The following FAM83D variants were observed in gnomAD, a reference collection of about 807,000 sequenced individuals.
FAM83D encodes the protein scaffolding CK1 anchoring protein D, also known as protein FAM83D.
In FAM83D, 26 loss-of-function variants were observed where a neutral mutation model predicts 25.4. The observed-to-expected ratio is 1.02, with a 90% confidence interval of 0.75 to 1.42. The LOEUF is 1.42. Among genes scored for constraint, FAM83D ranks in the 40% most tolerant of loss-of-function variants. The pLI is 0.00. For missense variants in FAM83D, 740 were observed against 758.1 expected (o/e 0.98, Z 0.28); for synonymous variants, 310 against 318.5 (o/e 0.97, Z 0.28).
At chr20:38,929,787 C>G (rs1452010420) in intron 1 of FAM83D, among the ~76,000 whole-genome samples, 2 of 135,062 alleles carry the variant, frequency 1.5e-5, no homozygotes, top group East Asian at 4.4e-4. Context: ...GACCCTGTCT[C>G]TTTAAAAAAA....
chr20:38,928,114 T>A (rs963386214), intron 1 of FAM83D, among the ~76,000 whole-genome samples: 2 of 152,212 alleles, frequency 1.3e-5, no homozygotes, highest in Non-Finnish European at 2.9e-5. Flanking sequence ...CACCTTGGTC[T>A]GGAGCCATGG....
chr20:38,950,193 A>G (rs897902186), intron 3 of FAM83D, among the ~76,000 whole-genome samples: 3 of 152,212 alleles, frequency 2.0e-5, no homozygotes, highest in South Asian at 4.1e-4. Flanking sequence ...CAGAATTACT[A>G]TCAATCCCTT....
chr20:38,951,724 C>A lies in FAM83D; in HGVS notation c.962C>A (p.Ser321Tyr). 4 of 1,614,204 alleles carry A rather than the reference C, an allele frequency of 2.5e-6. No individual in the cohort carries two copies. Among genetic ancestry groups the A allele is most frequent in the Non-Finnish European group, 3.4e-6 (4 of 1,180,040 alleles). Residue 321 changes from serine (S) to tyrosine (Y), a missense_variant, in exon 4 of 4, where the codon TCC (serine) becomes TAC (tyrosine). Ser to Tyr is a moderately radical substitution (Grantham distance 144, BLOSUM62 -2). Coordinates refer to ENST00000619850, the MANE Select transcript of FAM83D (RefSeq NM_030919.3). The part of the protein sequence containing the change: ...FDHLTNRKPQ[S>Y]KELTLGNLLR... ...CACCTCACCAACCGAAAACCACAGT[C>A]CAAGGAGCTCACCCTGGGCAACCTG...
Position 38,951,927 on chromosome 20 carries a change from G to A in FAM83D, c.1165G>A (p.Ala389Thr). Residue 389 changes from alanine (A) to threonine (T), a missense_variant, in exon 4 of 4, where the codon GCT becomes ACT. Coordinates refer to ENST00000619850, the MANE Select transcript of FAM83D (RefSeq NM_030919.3). The part of the protein sequence containing the change: ...DELQSRKAID[A>T]ATQTEPGEEM... ...GCTCCAGAGCAGAAAGGCCATTGAC[G>A]CTGCCACTCAAACAGAGCCAGGAGA... 2 of 1,614,122 alleles carry A rather than the reference G, an allele frequency of 1.2e-6. No individual in the cohort carries two copies. The highest frequency in any genetic ancestry group is 1.7e-6 in the Non-Finnish European group (2 of 1,180,024).
At chr20:38,938,964 C>T (rs540336525) in intron 1 of FAM83D, among the ~76,000 whole-genome samples, 5 of 152,188 alleles carry the variant, frequency 3.3e-5, no homozygotes, top group Admixed American at 6.5e-5. Context: ...TTCTTCACTT[C>T]GAACTCATTA....
At chr20:38,950,032 G>A (rs1334298397) in intron 3 of FAM83D, among the ~76,000 whole-genome samples, 1 of 152,112 alleles carries the variant, frequency 6.6e-6, no homozygotes, top group Admixed American at 6.5e-5. Flanking sequence ...TATGTTAGCC[G>A]GGATGGTCTC....
At chr20:38,948,861 C>G (rs1251941152) in intron 3 of FAM83D, among the ~76,000 whole-genome samples, 1 of 152,170 alleles carries the variant, frequency 6.6e-6, no homozygotes, top group Admixed American at 6.5e-5. Context: ...CAACAGTACC[C>G]TCATTGCTCA....
At chr20:38,929,096 G>C (rs192781429) in intron 1 of FAM83D, among the ~76,000 whole-genome samples, 10 of 151,368 alleles carry the variant, frequency 6.6e-5, no homozygotes, top group Admixed American at 2.0e-4. Flanking sequence ...AGAATTGCTT[G>C]AACCTGGGAG....
In FAM83D at chr20:38,926,716, T is replaced by C. The variant is rs991134921; in HGVS notation, c.274T>C (p.Ser92Pro). 5.9e-6 allele frequency: 9 copies of C among 1,522,280 alleles called. No homozygotes were observed. The African/African-American group carries it at 9.8e-5, about 17-fold the overall frequency. 94.3% of individuals were successfully genotyped at this position (1,522,280 alleles called of 1,614,324 possible). A position where few individuals can be genotyped will look rare whatever the true frequency, so the allele number is the denominator to read the frequency against. The change falls in exon 1 of 4, where the codon TCC becomes CCC. Residue 92 changes from serine (S) to proline (P), a missense_variant. Coordinates refer to ENST00000619850, the MANE Select transcript of FAM83D (RefSeq NM_030919.3). ...AAAAAEDSFG[S>P]SHDCSSGTYF... is the part of the protein sequence containing the mutation. ...GGCGGCGGCCGAGGACTCGTTCGGCTCCTCGCACGACTGCTCTTCGGGCAC... is the reference window on the plus strand; with the variant it reads ...GGCGGCGGCCGAGGACTCGTTCGGCCCCTCGCACGACTGCTCTTCGGGCAC...
chr20:38,952,131 C>CTACAG lies in FAM83D; in HGVS notation c.1369_1370insTACAG (p.Gln457LeufsTer21). Reference sequence around the variant, plus strand: ...GAACATTCTCTTTCCTCGAGGAACTCAATCTACAGAAGGGTCACCAGTCTC... The same window carrying CTACAG: ...GAACATTCTCTTTCCTCGAGGAACTCTACAGAATCTACAGAAGGGTCACCAGTCTC... On this transcript the variant is annotated frameshift_variant, in exon 4 of 4. Coordinates refer to ENST00000619850, the MANE Select transcript of FAM83D (RefSeq NM_030919.3). LOFTEE classifies it low-confidence loss of function (END_TRUNC). 1 of 1,614,220 alleles carries CTACAG rather than the reference C, an allele frequency of 6.2e-7. No individual in the cohort carries two copies. Among genetic ancestry groups the CTACAG allele is most frequent in the Non-Finnish European group, 8.5e-7 (1 of 1,180,042 alleles).
At chr20:38,950,999 T>C (rs749406567) in intron 3 of FAM83D, among the ~76,000 whole-genome samples, 2 of 152,108 alleles carry the variant, frequency 1.3e-5, no homozygotes, top group Non-Finnish European at 2.9e-5. Flanking sequence ...TTTTATGTGT[T>C]TTTACTGGAG....
intron 2 of FAM83D, among the ~76,000 whole-genome samples, chr20:38,943,696 T>C (rs2085713166): frequency 6.6e-6 from 1 of 152,128 alleles, no homozygotes; most frequent in South Asian, 2.1e-4. Flanking sequence ...TTTGTTGTTG[T>C]TGTGTTTTTT....
intron 3 of FAM83D, among the ~76,000 whole-genome samples, chr20:38,951,067 C>T: frequency 6.6e-6 from 1 of 152,188 alleles, no homozygotes; most frequent in Non-Finnish European, 1.5e-5. Flanking sequence ...AAAGGATCTG[C>T]CCACTTCATC....
Position 38,951,639 on chromosome 20 carries a change from C to T in FAM83D, c.877C>T (p.Gln293Ter). 2 of 1,614,172 alleles carry T rather than the reference C, an allele frequency of 1.2e-6. No homozygotes were observed. Among genetic ancestry groups the T allele is most frequent in the Non-Finnish European group, 8.5e-7 (1 of 1,180,042 alleles). The change falls in exon 4 of 4, where the codon CAG (glutamine) becomes TAG (stop). Residue 293 changes from glutamine to a stop codon, truncating the protein, a stop_gained. Coordinates refer to ENST00000619850, the MANE Select transcript of FAM83D (RefSeq NM_030919.3). LOFTEE classifies it low-confidence loss of function (END_TRUNC). ...TCTGGAGTTCCGAATCCTGTATGCCCAGTCCAAGCCCATCAGCCCCAAACT... is the reference window on the plus strand; with the variant it reads ...TCTGGAGTTCCGAATCCTGTATGCCTAGTCCAAGCCCATCAGCCCCAAACT... ...FDLEFRILYA[Q>*]SKPISPKLLS...
Position 38,935,897 on chromosome 20 carries a change from A to G in FAM83D, c.484-6062A>G, listed in dbSNP as rs879936273. 3.3e-5 allele frequency among the ~76,000 whole-genome samples: 5 copies of G among 152,374 alleles called. No homozygotes were observed. In the East Asian group the frequency reaches 9.6e-4, roughly 29 times the overall value. ...CTTAAAGGTTTTTGACAAAATCCCAAGGAGATTATTTCTGTTCTATTAAAA... is the reference window on the plus strand; with the variant it reads ...CTTAAAGGTTTTTGACAAAATCCCAGGGAGATTATTTCTGTTCTATTAAAA... On this transcript the variant is annotated intron_variant, in intron 1 of 3. Coordinates refer to ENST00000619850, the MANE Select transcript of FAM83D (RefSeq NM_030919.3).
intron 1 of FAM83D, among the ~76,000 whole-genome samples, chr20:38,927,931 G>C (rs1601328767): frequency 1.3e-5 from 2 of 152,244 alleles, no homozygotes; most frequent in Admixed American, 1.3e-4. Context: ...ATCGGCTTCT[G>C]TATTCATAGT....
In FAM83D at chr20:38,926,575, G is replaced by A. The variant is rs1300648261; in HGVS notation, c.133G>A (p.Glu45Lys). 1.3e-6 allele frequency: 2 copies of A among 1,559,948 alleles called. No homozygotes were observed. Among genetic ancestry groups the A allele is most frequent in the African/African-American group, 1.4e-5 (1 of 73,826 alleles). The change falls in exon 1 of 4, where the codon GAA (glutamate) becomes AAA (lysine). Residue 45 changes from glutamate (E) to lysine (K), a missense_variant. By Grantham distance (56) the Glu-to-Lys change is moderately conservative. Around this residue, in one of 3 missense-constraint regions of FAM83D, gnomAD observed 333 missense variants for 298.6 expected, o/e 1.12. Transcript: ENST00000619850. ...GGAGGAGCTGGTGGCGGGCGGCCCCGAAGCCTTCGCGGCCTTCCTGCGACG... is the reference window on the plus strand; with the variant it reads ...GGAGGAGCTGGTGGCGGGCGGCCCCAAAGCCTTCGCGGCCTTCCTGCGACG... The part of the protein sequence containing the change: ...ALEELVAGGP[E>K]AFAAFLRRER...
At chr20:38,949,161 TTTC>T (rs1247562957) in intron 3 of FAM83D, among the ~76,000 whole-genome samples, 9 of 131,508 alleles carry the variant, frequency 6.8e-5, no homozygotes, top group Admixed American at 5.4e-4. Flanking sequence ...CATTGAAGGC[TTTC>T]TTTTTTTTTT....
chr20:38,952,025 G>C lies in FAM83D; in HGVS notation c.1263G>C (p.Gln421His), dbSNP rs1215641692. 5.6e-6 allele frequency: 9 copies of C among 1,614,098 alleles called. No homozygotes were observed. The highest frequency in any genetic ancestry group is 1.3e-5 in the African/African-American group (1 of 74,930). The change falls in exon 4 of 4, where the codon CAG becomes CAC. Residue 421 changes from glutamine (Q) to histidine (H), a missense_variant. By Grantham distance (24) the Gln-to-His change is conservative (BLOSUM62 0). Transcript: ENST00000619850. ...TCACCACAGCATGTGCTGGTACCCA[G>C]ACTGCAGTCATCACCAGGATAGCAA... ...TSITTACAGT[Q>H]TAVITRIASS... is the part of the protein sequence containing the mutation.
Sources: gnomAD v4.1 joint callset for allele counts (sites outside exome capture counted in the v4.1 genomes callset) on GRCh38, gnomAD v4.1.1 for gene constraint, gnomAD v4.1.1 regional missense constraint, MANE v1.5 for transcripts, NCBI Gene and HGNC (gene_info 2026-07-23, HGNC 2026-07-21) for gene names.